The following PSMD3 variants were observed in gnomAD, a reference collection of about 807,000 sequenced individuals.
PSMD3 encodes 26S proteasome non-ATPase regulatory subunit 3.
Under a neutral mutation model 62.8 loss-of-function variants are expected in PSMD3, and 5 were observed. The observed-to-expected ratio is 0.08, with a 90% CI of 0.04 to 0.17. PSMD3 has a LOEUF of 0.17. Among genes scored for constraint, PSMD3 ranks in the 10% least tolerant of loss-of-function variants. The pLI, the probability that PSMD3 is intolerant of heterozygous loss-of-function variation, is 1.00. For synonymous variants in PSMD3, 265 were observed against 283.9 expected, an observed-to-expected ratio of 0.93 and a Z score of 0.67; for missense variants, 524 against 713.6, an observed-to-expected ratio of 0.73 and a Z score of 3.03.
intron 10 of PSMD3, among the ~76,000 whole-genome samples, 195 bp from the exon 11 acceptor site, chr17:39,997,135 C>A (rs1980802777): frequency 6.6e-6 from 1 of 152,158 alleles, no homozygotes; most frequent in Non-Finnish European, 1.5e-5. Flanking sequence ...TCGTTTATTC[C>A]TCTTTTTTCA....
At chr17:39,984,825 A>G (rs989145675) in intron 2 of PSMD3, among the ~76,000 whole-genome samples, 4 of 152,104 alleles carry the variant, frequency 2.6e-5, no homozygotes, top group Non-Finnish European at 4.4e-5. Context: ...AAGCTTCACC[A>G]TGGAGGAGGT....
intron 6 of PSMD3, among the ~76,000 whole-genome samples, chr17:39,992,150 A>G (rs902449929): frequency 1.3e-5 from 2 of 152,188 alleles, no homozygotes; most frequent in African/African-American, 4.8e-5. Flanking sequence ...AATATGAGAG[A>G]CACTAAAGTT....
At chr17:39,981,735 C>T (rs370096414) in intron 1 of PSMD3, among the ~76,000 whole-genome samples, 2 of 152,232 alleles carry the variant, frequency 1.3e-5, no homozygotes, top group South Asian at 2.1e-4. Flanking sequence ...CAACAGTCCC[C>T]TTGCTGTCTC....
chr17:39,989,913 G>A lies in PSMD3; in HGVS notation c.861G>A (p.Arg287=). 1 of 1,613,936 alleles carries A rather than the reference G, an allele frequency of 6.2e-7. No individual in the cohort carries two copies. The highest frequency in any genetic ancestry group is 8.5e-7 in the Non-Finnish European group (1 of 1,179,906). Residue 287 remains arginine (R), a synonymous_variant, in exon 5 of 12, where the codon AGG becomes AGA. Transcript: ENST00000264639. ...AGGCCAACAACAATGAGTGGGCCAG[G>A]TACCTCTACTACACAGGTGAGCAGA... The part of the protein sequence containing the change: ...PEQANNNEWA[R]YLYYTGRIKA...
rs369145353 is a variant in PSMD3, at chr17:39,995,168, G to C, written c.1097-8G>C. ...GCATCATCCAATCTACTCCTGTTCT[G>C]CCTGCAGCTGTCAGGACAGGAAACC... is the stretch of plus-strand genomic sequence containing the variant. On this transcript the variant is annotated splice_region_variant and splice_polypyrimidine_tract_variant and intron_variant, in intron 7 of 11. Transcript: ENST00000264639. This position sits in a 1 kb window ranked among gnomAD's most constrained non-coding sequence, Gnocchi z 4.1. 6.2e-6 allele frequency: 10 copies of C among 1,613,938 alleles called. No homozygotes were observed. The highest frequency in any genetic ancestry group is 8.5e-6 in the Non-Finnish European group (10 of 1,179,992).
chr17:39,983,076 A>C (rs1242656675), intron 1 of PSMD3, among the ~76,000 whole-genome samples: 1 of 151,038 alleles, frequency 6.6e-6, no homozygotes, highest in Non-Finnish European at 1.5e-5. Flanking sequence ...TCTGTTGCCC[A>C]GGCTGGAGTG....
chr17:39,997,646 CCCAGGGCA>C lies in PSMD3; in HGVS notation c.*67_*74del. ...CTCTTTCCCCCTTGGGGGTCCCCTG[CCCAGGGCA>C]CTGTCCCCATTTTCCCACACACAGC... On this transcript the variant is annotated 3_prime_UTR_variant, in exon 12 of 12. Transcript: ENST00000264639. 1 of 1,538,602 alleles carries C rather than the reference CCCAGGGCA, an allele frequency of 6.5e-7. No individual in the cohort carries two copies. The highest frequency in any genetic ancestry group is 8.9e-7 in the Non-Finnish European group (1 of 1,121,228).
At position 39,991,746 on chromosome 17, in the gene PSMD3, TAAAG is replaced by T. The variant is rs940218115; in HGVS notation, c.981+1553_981+1556del. Among the ~76,000 whole-genome samples, 10 of 152,192 alleles carry T rather than the reference TAAAG, an allele frequency of 6.6e-5. No homozygotes were observed. The South Asian group carries it at 1.2e-3, about 19-fold the overall frequency. On this transcript the variant is annotated intron_variant, in intron 6 of 11. Coordinates refer to ENST00000264639, the MANE Select transcript of PSMD3 (RefSeq NM_002809.4). ...TCAAATAATGAAAGAGAAAGGGTCT[TAAAG>T]AAAAAGTTGGCTAGGTACAGGGCTC...
At chr17:39,990,496 A>G (rs1980630463) in intron 6 of PSMD3, among the ~76,000 whole-genome samples, 1 of 152,114 alleles carries the variant, frequency 6.6e-6, no homozygotes, top group Non-Finnish European at 1.5e-5. Flanking sequence ...GGAGACAGGC[A>G]TATCACTGTT....
In PSMD3 at chr17:39,997,590, G is replaced by T. The variant is rs1383392556; in HGVS notation, c.*9G>T. ...ATGACAGCTTCCCTTGAGCTGGGGGGCTGGGGAGGGGTAGGGGGAATGGGG... is the reference window on the plus strand; with the variant it reads ...ATGACAGCTTCCCTTGAGCTGGGGGTCTGGGGAGGGGTAGGGGGAATGGGG... On this transcript the variant is annotated 3_prime_UTR_variant, in exon 12 of 12. Coordinates refer to ENST00000264639, the MANE Select transcript of PSMD3 (RefSeq NM_002809.4). 6.2e-7 allele frequency: 1 copy of T among 1,612,566 alleles called. No individual in the cohort carries two copies. The highest frequency in any genetic ancestry group is 8.5e-7 in the Non-Finnish European group (1 of 1,178,838).
chr17:39,997,684 A>C lies in PSMD3; in HGVS notation c.*103A>C. 3.0e-6 allele frequency: 4 copies of C among 1,330,108 alleles called. No homozygotes were observed. Among genetic ancestry groups the C allele is most frequent in the Non-Finnish European group, 4.2e-6 (4 of 948,180 alleles). 82.4% of individuals were successfully genotyped at this position (1,330,108 alleles called of 1,614,324 possible). On this transcript the variant is annotated 3_prime_UTR_variant, in exon 12 of 12. Transcript: ENST00000264639. ...CCCCATTTTCCCACACACAGCTCAT[A>C]TGCTGCATTCGTGCAGGGGGTGGGG...
rs1424572252 is a variant in PSMD3 at position 39,995,319 on chromosome 17, T to G, written c.1216+24T>G. Reference sequence around the variant, plus strand: ...AGGTGTGGATCAGGATCTGAGGGGCTGTTGGAGGAGCAGAAGCCAGGCCAG... The same window carrying G: ...AGGTGTGGATCAGGATCTGAGGGGCGGTTGGAGGAGCAGAAGCCAGGCCAG... On this transcript the variant is annotated intron_variant, in intron 8 of 11. Coordinates refer to ENST00000264639, the MANE Select transcript of PSMD3 (RefSeq NM_002809.4). The surrounding 1 kb of genome is among the most constrained non-coding windows in gnomAD (Gnocchi z 4.1). 6.2e-7 allele frequency: 1 copy of G among 1,613,838 alleles called. No homozygotes were observed. The highest frequency in any genetic ancestry group is 1.7e-5 in the Admixed American group (1 of 59,992).
At chr17:39,982,109 C>T (rs1297621061) in intron 1 of PSMD3, among the ~76,000 whole-genome samples, 7 of 152,196 alleles carry the variant, frequency 4.6e-5, no homozygotes, top group Non-Finnish European at 8.8e-5. Flanking sequence ...AGCTCAAAAA[C>T]ATTGAGATAA....
At chr17:39,994,620 G>A (rs1310460844) in intron 6 of PSMD3, 6 of 325,652 alleles carry the variant, frequency 1.8e-5, no homozygotes, top group Admixed American at 8.4e-5. Flanking sequence ...CTGGTCCCTC[G>A]CTGTTGCTGA....
rs1980758957 is a variant in PSMD3, at chr17:39,995,398, C to T, written c.1217-26C>T. ...GTGAAGGGTCTGTGTCCACTCTGCCCACCCCATCGCTCCTTCCTCTCCCAG... is the reference window on the plus strand; with the variant it reads ...GTGAAGGGTCTGTGTCCACTCTGCCTACCCCATCGCTCCTTCCTCTCCCAG... On this transcript the variant is annotated intron_variant, in intron 8 of 11. Transcript: ENST00000264639. The surrounding 1 kb of genome is among the most constrained non-coding windows in gnomAD (Gnocchi z 4.1). 1.9e-6 allele frequency: 3 copies of T among 1,612,488 alleles called. No homozygotes were observed. The East Asian group carries it at 6.7e-5, about 36-fold the overall frequency.
intron 2 of PSMD3, 26 bp downstream of exon 2, chr17:39,984,510 G>T: frequency 8.3e-6 from 13 of 1,569,328 alleles, no homozygotes; most frequent in Non-Finnish European, 1.1e-5. Context: ...CAACTTAAAG[G>T]GTGCAGGCCT....
intron 3 of PSMD3, among the ~76,000 whole-genome samples, chr17:39,988,399 G>A (rs183986379): frequency 1.0e-3 from 158 of 152,288 alleles, no homozygotes; most frequent in Non-Finnish European, 8.7e-4. Flanking sequence ...ATGTTGTAGT[G>A]TGTGTCAGTA....
In PSMD3 at chr17:39,997,684, AT is replaced by A. The variant is rs1272183854; in HGVS notation, c.*104del. 53 of 1,329,992 alleles carry A rather than the reference AT, an allele frequency of 4.0e-5. 1 individual carries two copies. The highest frequency in any genetic ancestry group is 4.9e-4 in the Middle Eastern group (2 of 4,078). 82.4% of individuals were successfully genotyped at this position (1,329,992 alleles called of 1,614,324 possible). A position where few individuals can be genotyped will look rare whatever the true frequency, so the allele number is the denominator to read the frequency against. On this transcript the variant is annotated 3_prime_UTR_variant, in exon 12 of 12. Coordinates refer to ENST00000264639, the MANE Select transcript of PSMD3 (RefSeq NM_002809.4). The stretch of plus-strand genomic sequence containing the variant: ...CCCCATTTTCCCACACACAGCTCAT[AT>A]GCTGCATTCGTGCAGGGGGTGGGGG...
intron 6 of PSMD3, among the ~76,000 whole-genome samples, chr17:39,992,094 C>T (rs1980671158): frequency 6.6e-6 from 1 of 151,826 alleles, no homozygotes; most frequent in Admixed American, 6.6e-5. Flanking sequence ...GGAGTAAAGG[C>T]TTTTCAGACA....
Sources: gnomAD v4.1 joint callset for allele counts (sites outside exome capture counted in the v4.1 genomes callset) on GRCh38, gnomAD v4.1.1 for gene constraint, Gnocchi (gnomAD v3.1) non-coding constraint, MANE v1.5 for transcripts, NCBI Gene and HGNC (gene_info 2026-07-23, HGNC 2026-07-21) for gene names.